SLC38A1: variants seen among roughly 807,000 people sequenced by gnomAD.
The protein encoded by SLC38A1 is solute carrier family 38 member 1, also known as sodium-coupled neutral amino acid symporter 1.
In SLC38A1, 18 loss-of-function variants were observed where a neutral mutation model predicts 60.3. The observed-to-expected ratio is 0.30, with a 90% CI of 0.21 to 0.44. The LOEUF is 0.44. Ranked by LOEUF, SLC38A1 falls within the 20% of genes least tolerant of loss-of-function variation. The pLI, the probability that SLC38A1 is intolerant of heterozygous loss-of-function variation, is 1.00. For missense variants in SLC38A1, 448 were observed against 587.2 expected (o/e 0.76, Z 2.45); for synonymous variants, 196 against 212.1 (o/e 0.92, Z 0.66).
chr12:46,206,752 G>A (rs1418488832), intron 8 of SLC38A1, among the ~76,000 whole-genome samples: 2 of 152,168 alleles, frequency 1.3e-5, no homozygotes, highest in Non-Finnish European at 2.9e-5. Context: ...CATCTTTAAT[G>A]AGGTTGGCTC....
intron 6 of SLC38A1, among the ~76,000 whole-genome samples, chr12:46,208,630 A>G (rs1372225789): frequency 1.3e-5 from 2 of 152,218 alleles, no homozygotes; most frequent in African/African-American, 4.8e-5. Flanking sequence ...GCTCACTCCC[A>G]CATTGCCTCA....
chr12:46,243,093 A>G (rs1565787314), intron 2 of SLC38A1, 107 bp downstream of exon 2: 1 of 151,486 alleles, frequency 6.6e-6, no homozygotes, highest in Non-Finnish European at 1.5e-5. Context: ...ATACTAATTT[A>G]TTAAAAAATA....
chr12:46,246,787 C>A (rs1275842930), intron 1 of SLC38A1, among the ~76,000 whole-genome samples: 1 of 152,146 alleles, frequency 6.6e-6, no homozygotes, highest in Non-Finnish European at 1.5e-5. Flanking sequence ...CAAGCAGGAG[C>A]CCCTCTTGGA....
chr12:46,204,425 T>C lies in SLC38A1; in HGVS notation c.706-8A>G. 1 of 1,600,178 alleles carries C rather than the reference T, an allele frequency of 6.2e-7. No individual in the cohort carries two copies. Among genetic ancestry groups the C allele is most frequent in the South Asian group, 1.1e-5 (1 of 90,782 alleles). ...AAATTTCTTGTAAATAACCTGGTAT[T>C]AAGAAGTATAGTAGAAGCAATATGG... On this transcript the variant is annotated splice_polypyrimidine_tract_variant and splice_region_variant and intron_variant, in intron 10 of 16. Coordinates refer to ENST00000398637, the MANE Select transcript of SLC38A1 (RefSeq NM_030674.4).
At chr12:46,189,284 A>G (rs956967263) in intron 16 of SLC38A1, among the ~76,000 whole-genome samples, 3 of 152,032 alleles carry the variant, frequency 2.0e-5, no homozygotes, top group Non-Finnish European at 4.4e-5. Flanking sequence ...AAAACTAGCT[A>G]AGCAGAGTAG....
At chr12:46,249,293 C>A (rs1282467235) in intron 1 of SLC38A1, among the ~76,000 whole-genome samples, 4 of 151,478 alleles carry the variant, frequency 2.6e-5, no homozygotes, top group African/African-American at 9.7e-5. Context: ...CCAATGAGAA[C>A]AAAGACACAT....
At chr12:46,231,712 G>C in intron 3 of SLC38A1, among the ~76,000 whole-genome samples, 1 of 152,198 alleles carries the variant, frequency 6.6e-6, no homozygotes, top group Non-Finnish European at 1.5e-5. Context: ...CTGCAGTGCA[G>C]TTGTACAATC....
At chr12:46,248,398 A>G (rs1485894341) in intron 1 of SLC38A1, among the ~76,000 whole-genome samples, 3 of 152,228 alleles carry the variant, frequency 2.0e-5, no homozygotes, top group African/African-American at 4.8e-5. Context: ...AGTCTCTGAT[A>G]AAACAGACTT....
At chr12:46,222,359 C>T (rs576263363) in intron 5 of SLC38A1, among the ~76,000 whole-genome samples, 1 of 152,076 alleles carries the variant, frequency 6.6e-6, no homozygotes, top group South Asian at 2.1e-4. Flanking sequence ...GCCAACAGTT[C>T]TCTTGTGTAC....
chr12:46,207,703 A>G, intron 6 of SLC38A1, 82 bp from the exon 7 acceptor site: 1 of 1,334,058 alleles, frequency 7.5e-7, no homozygotes, highest in Non-Finnish European at 1.1e-6. Flanking sequence ...CATTCTATTG[A>G]CTGTTCCCCA....
intron 2 of SLC38A1, 116 bp downstream of exon 2, chr12:46,243,084 T>C (rs966590029): frequency 1.3e-5 from 2 of 151,406 alleles, no homozygotes; most frequent in Admixed American, 6.6e-5. Context: ...TATTAATAAA[T>C]ACTAATTTAT....
Position 46,188,963 on chromosome 12 carries a change from G to C in SLC38A1, c.*7C>G. 1 of 1,611,020 alleles carries C rather than the reference G, an allele frequency of 6.2e-7. No individual in the cohort carries two copies. The highest frequency in any genetic ancestry group is 1.7e-4 in the Middle Eastern group (1 of 6,044). On this transcript the variant is annotated 3_prime_UTR_variant, in exon 17 of 17. Transcript: ENST00000398637. ...ACAACAGGGATGTTTCTTTTTCTCG[G>C]CGGGTTTCAGTGGCCTTCGTCACTA...
At position 46,198,762 on chromosome 12, in the gene SLC38A1, A is replaced by C. The variant is rs1939504536; in HGVS notation, c.1004-19T>G. 3 of 1,514,864 alleles carry C rather than the reference A, an allele frequency of 2.0e-6. No individual in the cohort carries two copies. The highest frequency in any genetic ancestry group is 2.7e-6 in the Non-Finnish European group (3 of 1,102,410). The allele number at this position is 1,514,864 out of a possible 1,614,324, so 93.8% of individuals were successfully genotyped here. On this transcript the variant is annotated intron_variant, in intron 13 of 16. Coordinates refer to ENST00000398637, the MANE Select transcript of SLC38A1 (RefSeq NM_030674.4). ...ACGTTGTCTAAAATGAGGGAAAAGC[A>C]AGAGGGTTTTAAAAGGAGACAAAGT... is the stretch of plus-strand genomic sequence containing the variant.
intron 5 of SLC38A1, among the ~76,000 whole-genome samples, chr12:46,216,554 C>A (rs1940421016): frequency 6.6e-6 from 1 of 152,124 alleles, no homozygotes; most frequent in African/African-American, 2.4e-5. Context: ...GAAAGAGACA[C>A]AGAAGAAGAA....
At position 46,268,786 on chromosome 12, in the gene SLC38A1, C is replaced by A. The variant is rs917027427; in HGVS notation, c.-469G>T. The A allele has an allele frequency of 5.3e-6, 2 of 378,530 alleles. No individual in the cohort carries two copies. The highest frequency in any genetic ancestry group is 4.2e-5 in the African/African-American group (2 of 48,134). 23.4% of individuals were successfully genotyped at this position (378,530 alleles called of 1,614,324 possible). On this transcript the variant is annotated 5_prime_UTR_variant, in exon 1 of 17. Transcript: ENST00000398637. This position sits in a 1 kb window ranked among gnomAD's most constrained non-coding sequence, Gnocchi z 4.4. ...CAGTCCGCGCTCGCCTGGCTCTCCT[C>A]CTTTCCGGGCCGATTGCATCAGAAT...
chr12:46,241,422 A>G (rs1941444369), intron 2 of SLC38A1, among the ~76,000 whole-genome samples: 1 of 152,186 alleles, frequency 6.6e-6, no homozygotes, highest in East Asian at 1.9e-4. Flanking sequence ...ACAGTCTCCT[A>G]TCTAGAATAA....
rs1938880437 is a variant in SLC38A1, at chr12:46,184,815, A to C, written c.*4155T>G. 6.6e-6 allele frequency: 1 copy of C among 152,118 alleles called. No homozygotes were observed. Among genetic ancestry groups the C allele is most frequent in the Non-Finnish European group, 1.5e-5 (1 of 68,026 alleles). 9.4% of individuals were successfully genotyped at this position (152,118 alleles called of 1,614,324 possible). A position where few individuals can be genotyped will look rare whatever the true frequency, so the allele number is the denominator to read the frequency against. On this transcript the variant is annotated 3_prime_UTR_variant, in exon 17 of 17. Coordinates refer to ENST00000398637, the MANE Select transcript of SLC38A1 (RefSeq NM_030674.4). ...TTTCACAACTGCCTCGCCCCAACCA[A>C]AGCCTCACTTTCATTTCCTCACAGC... is the stretch of plus-strand genomic sequence containing the variant.
At chr12:46,229,508 T>C (rs1314507799) in intron 4 of SLC38A1, 56 bp downstream of exon 4, 1 of 1,341,984 alleles carries the variant, frequency 7.5e-7, no homozygotes, top group African/African-American at 1.4e-5. Context: ...TTAAAAAGAT[T>C]TGTCCCAATT....
chr12:46,259,008 T>C (rs1186191864), intron 1 of SLC38A1, among the ~76,000 whole-genome samples: 1 of 152,180 alleles, frequency 6.6e-6, no homozygotes, highest in East Asian at 1.9e-4. Flanking sequence ...GTATTATATA[T>C]ATGGGATTTT....
Sources: gnomAD v4.1 joint callset for allele counts (sites outside exome capture counted in the v4.1 genomes callset) on GRCh38, gnomAD v4.1.1 for gene constraint, Gnocchi (gnomAD v3.1) non-coding constraint, MANE v1.5 for transcripts, NCBI Gene and HGNC (gene_info 2026-07-23, HGNC 2026-07-21) for gene names.